Variants in NCALD observed in about 807,000 individuals in gnomAD.
NCALD encodes neurocalcin delta.
NCALD carries 10 observed loss-of-function variants against 18.6 expected under a neutral mutation model. The ratio of observed to expected loss-of-function variants is 0.54; its 90% CI spans 0.33 to 0.91. The LOEUF (loss-of-function observed/expected upper bound fraction) is 0.91, where lower values mean the gene tolerates loss of function less well. NCALD is among the 40% of genes least tolerant of loss of function. NCALD has a pLI of 0.03. For missense variants in NCALD, 184 were observed against 247.6 expected (o/e 0.74, Z 1.72); for synonymous variants, 88 against 87.4 (o/e 1.01, Z -0.04).
intron 2 of NCALD, among the ~76,000 whole-genome samples, chr8:101,715,003 C>CAAAAAAAAAAAAAAAAAAAAAAA (rs1297532566): frequency 9.7e-6 from 1 of 103,222 alleles, no homozygotes; most frequent in Non-Finnish European, 1.9e-5. Flanking sequence ...GACTCCGTCT[C>CAAAAAAAAAAAAAAAAAAAAAAA]AAAAAAAAAA....
chr8:101,838,740 G>A (rs1228033304), intron 4 of NCALD, among the ~76,000 whole-genome samples: 3 of 152,192 alleles, frequency 2.0e-5, no homozygotes, highest in Non-Finnish European at 4.4e-5. Flanking sequence ...TTTGATTTTT[G>A]TCAGTGTGTA....
chr8:101,751,994 G>T (rs1463333547), intron 1 of NCALD, among the ~76,000 whole-genome samples: 1 of 152,034 alleles, frequency 6.6e-6, no homozygotes, highest in Non-Finnish European at 1.5e-5. Context: ...GCATGTTTTG[G>T]CTACTGTAAA....
intron 1 of NCALD, among the ~76,000 whole-genome samples, chr8:101,787,518 G>A (rs1812275044): frequency 6.6e-6 from 1 of 152,154 alleles, no homozygotes; most frequent in African/African-American, 2.4e-5. Flanking sequence ...TGAATATAGG[G>A]CTGTGACGGC....
At chr8:102,058,663 C>G (rs1401270572) in intron 1 of NCALD, among the ~76,000 whole-genome samples, 1 of 152,204 alleles carries the variant, frequency 6.6e-6, no homozygotes, top group African/African-American at 2.4e-5. Flanking sequence ...CTTTCTAAGA[C>G]AGTCTACACT....
At chr8:101,691,119 T>C in intron 3 of NCALD, 1 of 985,004 alleles carries the variant, frequency 1.0e-6, no homozygotes, top group Non-Finnish European at 1.2e-6. Context: ...CAGGGAGGGG[T>C]GCAGGTGTCC....
At chr8:101,736,444 C>T (rs1212677889) in intron 1 of NCALD, among the ~76,000 whole-genome samples, 2 of 152,150 alleles carry the variant, frequency 1.3e-5, no homozygotes, top group South Asian at 2.1e-4. Flanking sequence ...ATGCCAATTA[C>T]ACTGCTAAAA....
At chr8:102,024,023 T>TG (rs1822371326) in intron 1 of NCALD, among the ~76,000 whole-genome samples, 1 of 152,204 alleles carries the variant, frequency 6.6e-6, no homozygotes, top group African/African-American at 2.4e-5. Flanking sequence ...TACAATTGGA[T>TG]GATTTGACAA....
chr8:101,872,323 C>A, intron 4 of NCALD: 1 of 1,430,424 alleles, frequency 7.0e-7, no homozygotes, highest in South Asian at 1.1e-5. Context: ...GAGTCTCTGC[C>A]ATCTGTACAT....
intron 2 of NCALD, among the ~76,000 whole-genome samples, chr8:101,951,051 G>T (rs1405472370): frequency 2.0e-5 from 3 of 152,140 alleles, no homozygotes; most frequent in Non-Finnish European, 2.9e-5. Flanking sequence ...AGCCATGCAG[G>T]CAATGCCAAC....
chr8:101,824,131 A>G (rs1813834878), intron 4 of NCALD, among the ~76,000 whole-genome samples: 1 of 152,252 alleles, frequency 6.6e-6, no homozygotes, highest in South Asian at 2.1e-4. Flanking sequence ...GAAGTAGCAC[A>G]GAACCTATGC....
At chr8:102,025,112 T>C (rs1159563230) in intron 1 of NCALD, among the ~76,000 whole-genome samples, 2 of 152,188 alleles carry the variant, frequency 1.3e-5, no homozygotes, top group Non-Finnish European at 2.9e-5. Context: ...TAGGCTCGGC[T>C]CTAGCTGTGC....
intron 2 of NCALD, among the ~76,000 whole-genome samples, chr8:101,939,176 T>C (rs1191262124): frequency 6.6e-6 from 1 of 152,186 alleles, no homozygotes; most frequent in African/African-American, 2.4e-5. Flanking sequence ...GGATAGGAAA[T>C]AGGAATTGCA....
intron 2 of NCALD, among the ~76,000 whole-genome samples, chr8:101,697,522 A>G (rs1465839922): frequency 1.3e-5 from 2 of 152,174 alleles, no homozygotes; most frequent in African/African-American, 4.8e-5. Flanking sequence ...ATATCCTTGA[A>G]GAACATCGAT....
chr8:101,766,785 G>C (rs964572218), intron 1 of NCALD, among the ~76,000 whole-genome samples: 1 of 152,072 alleles, frequency 6.6e-6, no homozygotes, highest in African/African-American at 2.4e-5. Context: ...CATCATGTTG[G>C]CCAGGCTGGT....
At chr8:101,716,450 T>C (rs1240597109) in intron 2 of NCALD, among the ~76,000 whole-genome samples, 1 of 151,996 alleles carries the variant, frequency 6.6e-6, no homozygotes, top group Non-Finnish European at 1.5e-5. Context: ...CACATGTATT[T>C]CAGAACTTCA....
intron 2 of NCALD, among the ~76,000 whole-genome samples, chr8:102,002,348 C>A (rs934841450): frequency 6.6e-6 from 1 of 152,054 alleles, no homozygotes; most frequent in African/African-American, 2.4e-5. Flanking sequence ...ATATATGCAC[C>A]CAATACAGGA....
At chr8:101,777,163 C>T (rs1393780700) in intron 1 of NCALD, among the ~76,000 whole-genome samples, 1 of 152,178 alleles carries the variant, frequency 6.6e-6, no homozygotes, top group Non-Finnish European at 1.5e-5. Flanking sequence ...GACAACACAC[C>T]TGTTTCCCAG....
intron 3 of NCALD, among the ~76,000 whole-genome samples, chr8:101,907,530 T>C (rs921701579): frequency 2.6e-5 from 4 of 151,142 alleles, no homozygotes; most frequent in Admixed American, 6.6e-5. Flanking sequence ...TTGTATTAAA[T>C]ATTTTATTAA....
intron 1 of NCALD, among the ~76,000 whole-genome samples, chr8:102,043,794 C>G (rs1349720528): frequency 6.6e-6 from 1 of 151,312 alleles, no homozygotes; most frequent in Non-Finnish European, 1.5e-5. Context: ...GCAGCAGCAG[C>G]TGTATGTGTT....
Sources: allele counts gnomAD v4.1 joint callset (sites outside exome capture counted in the v4.1 genomes callset), GRCh38; gene constraint gnomAD v4.1.1; transcripts MANE v1.5; gene names NCBI Gene and HGNC (gene_info 2026-07-23, HGNC 2026-07-21).